MUSK: variants seen among roughly 807,000 people sequenced by gnomAD.
MUSK encodes muscle, skeletal receptor tyrosine-protein kinase.
In MUSK, 55 loss-of-function variants were observed where a neutral mutation model predicts 88.7. That is an observed-to-expected ratio of 0.62 (90% CI 0.50 to 0.78). The LOEUF is 0.78. Ranked by LOEUF, MUSK falls within the 30% of genes least tolerant of loss-of-function variation. The pLI is 0.00. For synonymous variants in MUSK, 387 were observed against 391.9 expected (o/e 0.99, Z 0.15); for missense variants, 1,015 against 1,074.3 (o/e 0.94, Z 0.77).
intron 5 of MUSK, among the ~76,000 whole-genome samples, chr9:110,710,477 A>G (rs1414864253): frequency 2.0e-5 from 3 of 152,220 alleles, no homozygotes; most frequent in Non-Finnish European, 4.4e-5. Context: ...CTATCCAGAG[A>G]ATACCACTAG....
At chr9:110,719,164 AAACAAC>A (rs374439212) in intron 5 of MUSK, among the ~76,000 whole-genome samples, 5 of 151,922 alleles carry the variant, frequency 3.3e-5, no homozygotes, top group African/African-American at 9.7e-5. Context: ...AACACAATGA[AAACAAC>A]AACAACAACA....
intron 6 of MUSK, among the ~76,000 whole-genome samples, chr9:110,743,362 A>G (rs2077128624): frequency 6.6e-6 from 1 of 152,344 alleles, no homozygotes; most frequent in East Asian, 1.9e-4. Context: ...AGTGAATAGT[A>G]ACATTCCTTT....
At chr9:110,700,503 G>T (rs957201242) in intron 5 of MUSK, among the ~76,000 whole-genome samples, 8 of 151,992 alleles carry the variant, frequency 5.3e-5, no homozygotes, top group Admixed American at 2.6e-4. Context: ...ATAGACAGGA[G>T]GTATTGACAA....
chr9:110,724,020 G>A (rs929632634), intron 5 of MUSK, among the ~76,000 whole-genome samples: 1 of 151,914 alleles, frequency 6.6e-6, no homozygotes, highest in African/African-American at 2.4e-5. Flanking sequence ...TGGCTTAAGT[G>A]CCATCTTCTG....
intron 14 of MUSK, among the ~76,000 whole-genome samples, chr9:110,798,296 C>T (rs751418160): frequency 1.3e-5 from 2 of 152,036 alleles, no homozygotes; most frequent in Non-Finnish European, 2.9e-5. Context: ...TGAACATGTT[C>T]GTATCTTAAA....
At chr9:110,741,280 A>G (rs1045315256) in intron 6 of MUSK, among the ~76,000 whole-genome samples, 1 of 152,088 alleles carries the variant, frequency 6.6e-6, no homozygotes, top group Admixed American at 6.5e-5. Flanking sequence ...GAGTTATACC[A>G]CCAATAAGCT....
chr9:110,701,652 ATTTATTTTATTTATTT>A (rs1167537513), intron 5 of MUSK, among the ~76,000 whole-genome samples: 1 of 10,802 alleles, frequency 9.3e-5, no homozygotes, highest in African/African-American at 3.0e-4. Context: ...GTGCTCAGCT[ATTTATTTTATTTATTT>A]TATTTTATTT....
intron 3 of MUSK, 85 bp from the exon 4 acceptor site, chr9:110,695,318 G>A (rs965100977): frequency 1.0e-5 from 10 of 977,236 alleles, no homozygotes; most frequent in Non-Finnish European, 1.3e-5. Context: ...CAAAACAGAT[G>A]TTTAGAATTA....
At chr9:110,784,774 A>T (rs1405336548) in intron 11 of MUSK, 41 bp from the exon 12 acceptor site, 1 of 1,526,172 alleles carries the variant, frequency 6.6e-7, no homozygotes, top group Non-Finnish European at 8.9e-7. Context: ...TTGCTTCTTA[A>T]AGGTTTGAGA....
At chr9:110,722,817 G>A (rs2076831376) in intron 5 of MUSK, among the ~76,000 whole-genome samples, 1 of 152,060 alleles carries the variant, frequency 6.6e-6, no homozygotes, top group African/African-American at 2.4e-5. Flanking sequence ...TCAGGGAAAT[G>A]CAAATCAAAA....
At chr9:110,686,771 A>G (rs2076201528) in intron 2 of MUSK, among the ~76,000 whole-genome samples, 1 of 152,122 alleles carries the variant, frequency 6.6e-6, no homozygotes, top group Non-Finnish European at 1.5e-5. Context: ...TTATCTATTA[A>G]TAGCTGCTAC....
intron 5 of MUSK, among the ~76,000 whole-genome samples, chr9:110,698,477 C>T (rs1367364964): frequency 6.6e-6 from 1 of 152,110 alleles, no homozygotes; most frequent in East Asian, 1.9e-4. Context: ...TTGATTCTGT[C>T]CTACTTTCCT....
At chr9:110,700,195 A>T (rs901886803) in intron 5 of MUSK, among the ~76,000 whole-genome samples, 1 of 152,212 alleles carries the variant, frequency 6.6e-6, no homozygotes, top group Non-Finnish European at 1.5e-5. Context: ...CTAACATTTT[A>T]AAAAGTTCCA....
intron 5 of MUSK, among the ~76,000 whole-genome samples, chr9:110,698,013 C>T (rs1024836045): frequency 6.6e-6 from 1 of 151,734 alleles, no homozygotes; most frequent in African/African-American, 2.4e-5. Flanking sequence ...ATTTTTTAAT[C>T]AGCTAATTCA....
intron 8 of MUSK, among the ~76,000 whole-genome samples, chr9:110,764,195 C>T (rs918536627): frequency 7.2e-5 from 11 of 152,308 alleles, no homozygotes; most frequent in African/African-American, 2.2e-4. Flanking sequence ...CTCTGTCCCA[C>T]GGTTCTAATG....
intron 14 of MUSK, among the ~76,000 whole-genome samples, chr9:110,799,991 A>G (rs555247296): frequency 1.3e-5 from 2 of 152,266 alleles, no homozygotes; most frequent in Admixed American, 1.3e-4. Context: ...TACACCATGT[A>G]CTTATATGCA....
At chr9:110,781,508 C>A (rs1291761389) in intron 11 of MUSK, among the ~76,000 whole-genome samples, 1 of 152,152 alleles carries the variant, frequency 6.6e-6, no homozygotes, top group Non-Finnish European at 1.5e-5. Context: ...GATCTCCTGA[C>A]CTCGTGATTC....
At chr9:110,797,462 G>C (rs1482227916) in intron 14 of MUSK, among the ~76,000 whole-genome samples, 1 of 152,076 alleles carries the variant, frequency 6.6e-6, no homozygotes, top group Admixed American at 6.6e-5. Context: ...ATGACAATGT[G>C]AGTGATTAGC....
rs2078095740 is a variant in MUSK at position 110,801,346 on chromosome 9, G to A, written c.*358G>A. On this transcript the variant is annotated 3_prime_UTR_variant, in exon 15 of 15. Transcript: ENST00000374448. The stretch of plus-strand genomic sequence containing the variant: ...GCTGTATTAAATTTTAATATGAAAT[G>A]GGATTCAGAGCTTCATTTTTTAATT... 1 of 170,566 alleles carries A rather than the reference G, an allele frequency of 5.9e-6. No homozygotes were observed. The highest frequency in any genetic ancestry group is 1.2e-5 in the Non-Finnish European group (1 of 80,898). The allele number at this position is 170,566 out of a possible 1,614,324, so 10.6% of individuals were successfully genotyped here. A position where few individuals can be genotyped will look rare whatever the true frequency, so the allele number is the denominator to read the frequency against.
Sources: allele counts gnomAD v4.1 joint callset (sites outside exome capture counted in the v4.1 genomes callset), GRCh38; gene constraint gnomAD v4.1.1; transcripts MANE v1.5; gene names NCBI Gene and HGNC (gene_info 2026-07-23, HGNC 2026-07-21).